The following TPRG1 variants were observed in gnomAD, a reference collection of about 807,000 sequenced individuals.
The protein encoded by TPRG1 is tumor protein p63 regulated 1.
Under a neutral mutation model 29.3 loss-of-function variants are expected in TPRG1, and 29 were observed. The ratio of observed to expected loss-of-function variants is 0.99; its 90% CI spans 0.74 to 1.35. The LOEUF (loss-of-function observed/expected upper bound fraction) is 1.35. Among genes scored for constraint, TPRG1 ranks in the 40% most tolerant of loss-of-function variants. The pLI is 0.00. For missense variants in TPRG1, 327 were observed against 335.0 expected (o/e 0.98, Z 0.19); for synonymous variants, 130 against 116.8 (o/e 1.11, Z -0.73).
In TPRG1 at chr3:189,010,997, C is replaced by T. The variant is rs1344297655; in HGVS notation, c.-660+6237C>T. On this transcript the variant is annotated intron_variant, in intron 3 of 10. Transcript: ENST00000433971. ...TTCTGCATATGGCTAGCCAGTTCTC[C>T]CAGCACCATTTATTGAACAGGGAAT... 2.0e-5 allele frequency among the ~76,000 whole-genome samples: 3 copies of T among 152,132 alleles called. No homozygotes were observed. The East Asian group carries it at 5.8e-4, about 29-fold the overall frequency.
intron 4 of TPRG1, among the ~76,000 whole-genome samples, chr3:189,057,507 T>G (rs1715777200): frequency 6.6e-6 from 1 of 151,682 alleles, no homozygotes; most frequent in African/African-American, 2.4e-5. Context: ...TTGCTTTTTT[T>G]TTTTTTTTAC....
chr3:189,145,882 C>T (rs1725198847), intron 3 of TPRG1, among the ~76,000 whole-genome samples: 1 of 152,138 alleles, frequency 6.6e-6, no homozygotes, highest in African/African-American at 2.4e-5. Context: ...ACTTAATTAT[C>T]TGTGTGTGCT....
chr3:189,313,660 A>ATC lies in TPRG1; in HGVS notation c.633+3125_633+3126dup, dbSNP rs571630864. 4.9e-3 allele frequency among the ~76,000 whole-genome samples: 741 copies of ATC among 152,322 alleles called. 9 individuals are homozygous for ATC. The highest frequency in any genetic ancestry group is 0.021 in the South Asian group (103 of 4,828). The stretch of plus-strand genomic sequence containing the variant: ...AGTCATTTCTTCTACTGTATCTAGA[A>ATC]TCTCTTTATTCAAGAGATTTTCTAA... On this transcript the variant is annotated intron_variant, in intron 5 of 5. Transcript: ENST00000345063.
chr3:189,214,962 A>ATTTTATATATATATATATATATAT, intron 2 of TPRG1, among the ~76,000 whole-genome samples: 1 of 147,486 alleles, frequency 6.8e-6, no homozygotes, highest in Admixed American at 7.3e-5. Flanking sequence ...GGTTTAATTT[A>ATTTTATATATATATATATATATAT]AAAATGTACA....
intron 1 of TPRG1, among the ~76,000 whole-genome samples, chr3:189,119,743 G>A (rs1433955595): frequency 5.9e-5 from 9 of 152,274 alleles, no homozygotes; most frequent in African/African-American, 2.2e-4. Flanking sequence ...TTCCCCTTCT[G>A]CCATGGTCGT....
chr3:189,318,158 A>G (rs990606385), intron 5 of TPRG1, among the ~76,000 whole-genome samples: 1 of 152,146 alleles, frequency 6.6e-6, no homozygotes, highest in African/African-American at 2.4e-5. Flanking sequence ...TCTGTCTGGT[A>G]TCTGGTGGGA....
chr3:189,280,525 C>T (rs1716947859), intron 4 of TPRG1, among the ~76,000 whole-genome samples: 1 of 152,058 alleles, frequency 6.6e-6, no homozygotes, highest in Non-Finnish European at 1.5e-5. Flanking sequence ...TCTTTCCACT[C>T]CTCTAAGCTG....
At chr3:189,284,598 G>C (rs113970635) in intron 4 of TPRG1, among the ~76,000 whole-genome samples, 49,739 of 151,706 alleles carry the variant, frequency 0.33, 11,623 homozygotes, top group African/African-American at 0.67. Context: ...TTAATCCAGT[G>C]TATCATTGTT....
chr3:189,125,813 TTGTGTG>T (rs751689409), intron 1 of TPRG1, among the ~76,000 whole-genome samples: 7,544 of 124,020 alleles, frequency 0.061, 275 homozygotes, highest in African/African-American at 0.078. Context: ...GCAGGGTGTT[TTGTGTG>T]TGTGTGTGTG....
intron 1 of TPRG1, among the ~76,000 whole-genome samples, chr3:189,182,528 A>G (rs1730362925): frequency 6.6e-6 from 1 of 152,174 alleles, no homozygotes; most frequent in East Asian, 1.9e-4. Flanking sequence ...TTGGTATAAC[A>G]TTAGATATAC....
At chr3:189,159,868 G>GTGTGTGTGT (rs141895328) in intron 5 of TPRG1, among the ~76,000 whole-genome samples, 2,481 of 146,604 alleles carry the variant, frequency 0.017, 50 homozygotes, top group South Asian at 0.031. Flanking sequence ...GTGTGTGTGT[G>GTGTGTGTGT]GTGGTGGGGG....
chr3:189,252,575 A>G (rs1054286727), intron 4 of TPRG1, among the ~76,000 whole-genome samples: 3 of 152,172 alleles, frequency 2.0e-5, no homozygotes, highest in Non-Finnish European at 4.4e-5. Context: ...AAGGAGGGGA[A>G]GACTATGGTT....
intron 4 of TPRG1, among the ~76,000 whole-genome samples, chr3:189,028,661 T>C (rs1352852334): frequency 6.6e-6 from 1 of 152,216 alleles, no homozygotes; most frequent in Non-Finnish European, 1.5e-5. Context: ...TAATTGCGTG[T>C]GCTAATATTT....
intron 3 of TPRG1, chr3:189,219,494 A>C: frequency 2.3e-6 from 2 of 877,640 alleles, no homozygotes; most frequent in South Asian, 3.6e-5. Flanking sequence ...GCAGTTTCCT[A>C]TTACCTTTCT....
intron 4 of TPRG1, among the ~76,000 whole-genome samples, chr3:189,263,310 A>T (rs920134487): frequency 6.6e-6 from 1 of 152,210 alleles, no homozygotes; most frequent in African/African-American, 2.4e-5. Flanking sequence ...AGTTAAGGAG[A>T]TGAAGGGGTT....
intron 1 of TPRG1, among the ~76,000 whole-genome samples, chr3:189,105,145 C>A (rs144953911): frequency 1.3e-5 from 2 of 152,102 alleles, no homozygotes; most frequent in Non-Finnish European, 2.9e-5. Flanking sequence ...TTAAGGACAT[C>A]CCACTCCTGA....
In TPRG1 at chr3:189,323,421, G is replaced by C. The variant is rs888869573; in HGVS notation, c.*2601G>C. ...ATATTACTTTTGCTTATTTCATAAA[G>C]ATCTTGTGAGGATTCAATGAAATGA... On this transcript the variant is annotated 3_prime_UTR_variant, in exon 6 of 6. Transcript: ENST00000345063. 1.3e-5 allele frequency: 2 copies of C among 152,030 alleles called. No individual in the cohort carries two copies. The highest frequency in any genetic ancestry group is 4.8e-5 in the African/African-American group (2 of 41,396). 9.4% of individuals were successfully genotyped at this position (152,030 alleles called of 1,614,324 possible).
intron 4 of TPRG1, among the ~76,000 whole-genome samples, chr3:189,280,003 G>A (rs373252022): frequency 2.6e-5 from 4 of 152,284 alleles, no homozygotes; most frequent in South Asian, 2.1e-4. Flanking sequence ...ACCTCTGAGC[G>A]GGATTGGTAG....
chr3:189,105,631 A>G (rs917989613), intron 1 of TPRG1, among the ~76,000 whole-genome samples: 1 of 151,956 alleles, frequency 6.6e-6, no homozygotes, highest in Admixed American at 6.6e-5. Flanking sequence ...GGGAACTTCA[A>G]CTGCTGGTTT....
Sources: gnomAD v4.1 joint callset for allele counts (sites outside exome capture counted in the v4.1 genomes callset) on GRCh38, gnomAD v4.1.1 for gene constraint, MANE v1.5 for transcripts, NCBI Gene and HGNC (gene_info 2026-07-23, HGNC 2026-07-21) for gene names.